The following ROBO2 variants were observed in gnomAD, a reference collection of about 807,000 sequenced individuals.
ROBO2 encodes the protein roundabout homolog 2.
ROBO2 carries 53 observed loss-of-function variants against 160.8 expected under a neutral mutation model. The ratio of observed to expected loss-of-function variants is 0.33; its 90% CI spans 0.26 to 0.41. ROBO2 has a LOEUF of 0.41. Among genes scored for constraint, ROBO2 ranks in the 10% least tolerant of loss-of-function variants. The pLI, the probability that ROBO2 is intolerant of heterozygous loss-of-function variation, is 1.00. For synonymous variants in ROBO2, 664 were observed against 611.7 expected, an observed-to-expected ratio of 1.09 and a Z score of -1.26; for missense variants, 1,577 against 1,722.4, an observed-to-expected ratio of 0.92 and a Z score of 1.49.
At chr3:76,285,534 G>A (rs141375571) in intron 2 of ROBO2, among the ~76,000 whole-genome samples, 1,785 of 152,084 alleles carry the variant, frequency 0.012, 32 homozygotes, top group African/African-American at 0.041. Context: ...AGAGCTTGAA[G>A]AAAATAAAAT....
intron 2 of ROBO2, among the ~76,000 whole-genome samples, chr3:76,617,263 G>GT (rs944558586): frequency 8.0e-6 from 1 of 124,636 alleles, no homozygotes; most frequent in African/African-American, 2.9e-5. Context: ...CCCAAGCCTA[G>GT]TAAGTTAACC....
rs546340063 is a variant in ROBO2, at chr3:76,018,731, C to T, written c.109+81129C>T. Reference sequence around the variant, plus strand: ...TGGCCTCCCCACATGGTTAGTTTCTCTCTGAAGTTCCATGCGTATCTGAGA... The same window carrying T: ...TGGCCTCCCCACATGGTTAGTTTCTTTCTGAAGTTCCATGCGTATCTGAGA... On this transcript the variant is annotated intron_variant, in intron 2 of 26. Coordinates refer to the ROBO2 transcript ENST00000487694. Among the ~76,000 whole-genome samples the T allele has an allele frequency of 6.6e-5, 10 of 151,850 alleles. No homozygotes were observed. The East Asian group carries it at 1.9e-3, about 30-fold the overall frequency.
intron 2 of ROBO2, among the ~76,000 whole-genome samples, chr3:76,056,504 T>C (rs967419311): frequency 9.9e-5 from 15 of 151,270 alleles, no homozygotes; most frequent in Admixed American, 2.0e-4. Context: ...CAAAATAAAA[T>C]TGAAGAAAAA....
chr3:77,470,632 G>A (rs1439483185), intron 2 of ROBO2, among the ~76,000 whole-genome samples: 1 of 152,088 alleles, frequency 6.6e-6, no homozygotes, highest in Non-Finnish European at 1.5e-5. Flanking sequence ...GTCATTATAT[G>A]TGCCTGTTAA....
chr3:77,075,940 AG>A, intron 1 of ROBO2, among the ~76,000 whole-genome samples: 1 of 151,930 alleles, frequency 6.6e-6, no homozygotes. Flanking sequence ...GGCCTCCCAA[AG>A]TGCTGGGATT....
chr3:77,607,723 A>G (rs2094552373), intron 20 of ROBO2, 75 bp from the exon 22 acceptor site: 5 of 1,349,124 alleles, frequency 3.7e-6, no homozygotes, highest in Admixed American at 3.4e-5. Flanking sequence ...TGAAACATAA[A>G]TACACCTTGC....
At chr3:76,585,732 A>C (rs775452347) in intron 2 of ROBO2, among the ~76,000 whole-genome samples, 42 of 152,320 alleles carry the variant, frequency 2.8e-4, no homozygotes, top group Non-Finnish European at 5.1e-4. Flanking sequence ...TACCTTTAGA[A>C]AAACCACTTG....
intron 2 of ROBO2, among the ~76,000 whole-genome samples, chr3:76,147,779 T>A (rs1394521014): frequency 2.6e-5 from 4 of 151,686 alleles, no homozygotes; most frequent in East Asian, 1.9e-4. Context: ...TTGGGGTCAT[T>A]GGTCAGGGGA....
chr3:76,062,558 T>C (rs1344280630), intron 2 of ROBO2, among the ~76,000 whole-genome samples: 3 of 152,168 alleles, frequency 2.0e-5, no homozygotes, highest in Non-Finnish European at 2.9e-5. Flanking sequence ...GGCATTCTTC[T>C]TCTTACTTGG....
intron 1 of ROBO2, among the ~76,000 whole-genome samples, chr3:75,936,464 C>A (rs78045626): frequency 1.3e-5 from 2 of 152,138 alleles, no homozygotes; most frequent in Non-Finnish European, 2.9e-5. Context: ...ATTCCATCTG[C>A]TAACCATTTA....
At chr3:76,441,828 G>A (rs887608328) in intron 2 of ROBO2, among the ~76,000 whole-genome samples, 9 of 152,268 alleles carry the variant, frequency 5.9e-5, no homozygotes, top group South Asian at 2.1e-4. Flanking sequence ...ATATCCAGTC[G>A]CAGCTGCTAG....
At chr3:76,186,469 A>G (rs1300088908) in intron 2 of ROBO2, among the ~76,000 whole-genome samples, 1 of 151,912 alleles carries the variant, frequency 6.6e-6, no homozygotes, top group Non-Finnish European at 1.5e-5. Context: ...ACTAAACCTA[A>G]AACTCACCAA....
At chr3:77,610,741 CAAAAAAAAAAAAAAA>C (rs71629658) in intron 21 of ROBO2, among the ~76,000 whole-genome samples, 44 of 19,834 alleles carry the variant, frequency 2.2e-3, no homozygotes, top group South Asian at 5.0e-3. Context: ...GGCCAAAGAC[CAAAAAAAAAAAAAAA>C]AAAAAAAAAA....
intron 12 of ROBO2, among the ~76,000 whole-genome samples, chr3:77,566,705 GAA>G (rs1317005706): frequency 6.6e-6 from 1 of 151,972 alleles, no homozygotes; most frequent in Non-Finnish European, 1.5e-5. Context: ...AAAGATTAAT[GAA>G]AAGTTGTTTG....
intron 2 of ROBO2, among the ~76,000 whole-genome samples, chr3:76,065,160 G>A (rs2068210540): frequency 6.6e-6 from 1 of 152,042 alleles, no homozygotes; most frequent in African/African-American, 2.4e-5. Context: ...TTAATGTAGT[G>A]ATAGACACAG....
At chr3:76,568,620 AAAG>A (rs2084762431) in intron 2 of ROBO2, among the ~76,000 whole-genome samples, 1 of 151,998 alleles carries the variant, frequency 6.6e-6, no homozygotes. Context: ...TGCTTTTCTT[AAAG>A]AAGGTTTTTA....
intron 2 of ROBO2, among the ~76,000 whole-genome samples, chr3:77,177,809 G>A (rs1000236227): frequency 6.6e-6 from 1 of 151,976 alleles, no homozygotes. Context: ...TTGTGAAGTA[G>A]ATCTCTTTCC....
At chr3:77,435,056 A>G (rs2079144408) in intron 2 of ROBO2, among the ~76,000 whole-genome samples, 2 of 152,054 alleles carry the variant, frequency 1.3e-5, no homozygotes, top group African/African-American at 4.8e-5. Context: ...TTTTGCCATC[A>G]GTGAGATGAA....
intron 2 of ROBO2, among the ~76,000 whole-genome samples, chr3:77,471,289 G>C (rs1490650828): frequency 6.6e-6 from 1 of 152,184 alleles, no homozygotes; most frequent in African/African-American, 2.4e-5. Context: ...AACAGAGAGG[G>C]TTTGGGGTGG....
Sources: allele counts gnomAD v4.1 joint callset (sites outside exome capture counted in the v4.1 genomes callset), GRCh38; gene constraint gnomAD v4.1.1; transcripts MANE v1.5; gene names NCBI Gene and HGNC (gene_info 2026-07-23, HGNC 2026-07-21).